The following UBE2R2 variants were observed in gnomAD, a reference collection of about 807,000 sequenced individuals.
UBE2R2 encodes the protein ubiquitin-conjugating enzyme E2 R2.
In UBE2R2, 1 loss-of-function variant was observed where a neutral mutation model predicts 27.8. The observed-to-expected ratio is 0.04, with a 90% confidence interval of 0.01 to 0.17. The LOEUF (loss-of-function observed/expected upper bound fraction) is 0.17, where lower values mean the gene tolerates loss of function less well. Among genes scored for constraint, UBE2R2 ranks in the 10% least tolerant of loss-of-function variants. UBE2R2 has a pLI of 1.00. For missense variants in UBE2R2, 100 were observed against 291.0 expected (o/e 0.34, Z 4.78); for synonymous variants, 106 against 113.3 (o/e 0.94, Z 0.41).
intron 1 of UBE2R2, among the ~76,000 whole-genome samples, chr9:33,840,858 T>C (rs1820718409): frequency 6.6e-6 from 1 of 152,190 alleles, no homozygotes; most frequent in African/African-American, 2.4e-5. Context: ...CCTTTATTTA[T>C]TCTTTTTTCA....
intron 1 of UBE2R2, among the ~76,000 whole-genome samples, chr9:33,822,061 T>G (rs1825990327): frequency 2.0e-5 from 3 of 151,844 alleles, no homozygotes; most frequent in Admixed American, 2.0e-4. Flanking sequence ...TAGGAACATC[T>G]TTATTAGACT....
chr9:33,835,533 A>G (rs1161654212), intron 1 of UBE2R2, among the ~76,000 whole-genome samples: 1 of 152,022 alleles, frequency 6.6e-6, no homozygotes, highest in Non-Finnish European at 1.5e-5. Context: ...CCTTTTCCTT[A>G]ATACAAAAGA....
intron 1 of UBE2R2, among the ~76,000 whole-genome samples, chr9:33,874,669 T>TTTTG (rs746421763): frequency 4.7e-4 from 72 of 152,138 alleles, no homozygotes; most frequent in African/African-American, 1.6e-3. Context: ...CAGAATAGTT[T>TTTTG]TTTGTTTGTT....
At position 33,917,949 on chromosome 9, in the gene UBE2R2, G is replaced by A. The variant is rs1165143500; in HGVS notation, c.*712G>A. On this transcript the variant is annotated 3_prime_UTR_variant, in exon 5 of 5. Transcript: ENST00000263228. The stretch of plus-strand genomic sequence containing the variant: ...CAGACTTTGTTTTTTGAAATCGATT[G>A]GGATCGAAAGCCTGAAATAAATATT... 1.3e-5 allele frequency: 2 copies of A among 153,688 alleles called. No homozygotes were observed. The highest frequency in any genetic ancestry group is 4.8e-5 in the African/African-American group (2 of 41,408). The allele number at this position is 153,688 out of a possible 1,614,324, so 9.5% of individuals were successfully genotyped here.
chr9:33,827,253 T>G (rs12343631), intron 1 of UBE2R2, among the ~76,000 whole-genome samples: 30,087 of 152,156 alleles, frequency 0.2, 3,258 homozygotes, highest in South Asian at 0.33. Context: ...CACTTGAGCC[T>G]GGGAGGTCGA....
chr9:33,849,408 G>GTT (rs1241729336), intron 1 of UBE2R2, among the ~76,000 whole-genome samples: 1 of 152,022 alleles, frequency 6.6e-6, no homozygotes, highest in African/African-American at 2.4e-5. Flanking sequence ...AGAAATATCT[G>GTT]TTATATATAG....
intron 1 of UBE2R2, among the ~76,000 whole-genome samples, chr9:33,839,619 G>A (rs765459305): frequency 1.3e-5 from 2 of 152,156 alleles, no homozygotes; most frequent in Non-Finnish European, 2.9e-5. Context: ...AGAAGGCATC[G>A]TATATGAAGA....
At chr9:33,819,543 T>C (rs771090039) in intron 1 of UBE2R2, among the ~76,000 whole-genome samples, 3 of 152,234 alleles carry the variant, frequency 2.0e-5, no homozygotes, top group Non-Finnish European at 4.4e-5. Flanking sequence ...GGAAAAGATA[T>C]TGCTGTGTTT....
intron 2 of UBE2R2, among the ~76,000 whole-genome samples, chr9:33,892,120 A>G (rs1195293404): frequency 6.6e-6 from 1 of 152,104 alleles, no homozygotes; most frequent in African/African-American, 2.4e-5. Context: ...TGTGCTGCAC[A>G]ATCTATTTCC....
intron 1 of UBE2R2, among the ~76,000 whole-genome samples, chr9:33,832,673 GAA>G (rs1176955757): frequency 6.8e-6 from 1 of 146,946 alleles, no homozygotes; most frequent in Non-Finnish European, 1.5e-5. Context: ...AAAAAAAAAA[GAA>G]AGAAAGAAAG....
chr9:33,911,269 A>G (rs142934267), intron 3 of UBE2R2, among the ~76,000 whole-genome samples: 11,941 of 150,054 alleles, frequency 0.08, 678 homozygotes, highest in Non-Finnish European at 0.12. Flanking sequence ...TTAGCAGGGC[A>G]TGGTGGCAGG....
At chr9:33,887,075 G>A in intron 2 of UBE2R2, 108 bp downstream of exon 2, 3 of 867,130 alleles carry the variant, frequency 3.5e-6, no homozygotes, top group Non-Finnish European at 3.5e-6. Context: ...TGTAGCCATA[G>A]AGAAATATTA....
At chr9:33,896,860 CTG>C (rs1338377516) in intron 2 of UBE2R2, among the ~76,000 whole-genome samples, 1 of 151,534 alleles carries the variant, frequency 6.6e-6, no homozygotes. Flanking sequence ...AATCCATTGT[CTG>C]TGTCAATTTG....
intron 1 of UBE2R2, among the ~76,000 whole-genome samples, chr9:33,862,119 C>T (rs1821253350): frequency 6.6e-6 from 1 of 152,004 alleles, no homozygotes; most frequent in African/African-American, 2.4e-5. Context: ...TCCCAAAGTG[C>T]TGGAATTACA....
intron 1 of UBE2R2, 98 bp downstream of exon 1, chr9:33,818,032 C>T: frequency 7.1e-7 from 1 of 1,402,506 alleles, no homozygotes; most frequent in Non-Finnish European, 9.6e-7. Flanking sequence ...TGAGCACGGG[C>T]GAGTGGAGGG....
chr9:33,909,456 C>T (rs367733889), intron 3 of UBE2R2, among the ~76,000 whole-genome samples: 1 of 152,152 alleles, frequency 6.6e-6, no homozygotes, highest in Non-Finnish European at 1.5e-5. Context: ...CCATTGCACT[C>T]CAGCCTGGGC....
At position 33,907,507 on chromosome 9, in the gene UBE2R2, G is replaced by A. The variant is rs1292812681; in HGVS notation, c.363-4457G>A. ...TCATTCTTATCCCAAATTCCCTCTA[G>A]GTCTGTTCTTTGTTGTAATAAATGT... On this transcript the variant is annotated intron_variant, in intron 3 of 4. Coordinates refer to ENST00000263228, the MANE Select transcript of UBE2R2 (RefSeq NM_017811.4). Among the ~76,000 whole-genome samples, 5 of 152,170 alleles carry A rather than the reference G, an allele frequency of 3.3e-5. No homozygotes were observed. The East Asian group carries it at 9.7e-4, about 29-fold the overall frequency.
chr9:33,901,748 A>G (rs978717809), intron 3 of UBE2R2, among the ~76,000 whole-genome samples: 1 of 152,128 alleles, frequency 6.6e-6, no homozygotes, highest in African/African-American at 2.4e-5. Context: ...CATCCAATTT[A>G]TTTAGAAAGA....
At chr9:33,843,907 C>A (rs1180658806) in intron 1 of UBE2R2, among the ~76,000 whole-genome samples, 2 of 152,108 alleles carry the variant, frequency 1.3e-5, no homozygotes, top group Non-Finnish European at 2.9e-5. Context: ...TACATAAGTG[C>A]TATTTGTCAT....
Sources: gnomAD v4.1 joint callset for allele counts (sites outside exome capture counted in the v4.1 genomes callset) on GRCh38, gnomAD v4.1.1 for gene constraint, MANE v1.5 for transcripts, NCBI Gene and HGNC (gene_info 2026-07-23, HGNC 2026-07-21) for gene names.